Variants in DOP1B observed in about 807,000 individuals in gnomAD.
DOP1B encodes protein DOP1B.
DOP1B carries 174 observed loss-of-function variants against 233.5 expected under a neutral mutation model. That is an observed-to-expected ratio of 0.75 (90% CI 0.66 to 0.85). The LOEUF is 0.85. DOP1B is among the 40% of genes least tolerant of loss of function. The pLI is 0.00. For synonymous variants in DOP1B, 1,190 were observed against 1,185.6 expected (o/e 1.00, Z -0.08); for missense variants, 2,652 against 2,846.6 (o/e 0.93, Z 1.56).
chr21:36,230,945 A>G lies in DOP1B; in HGVS notation c.2161A>G (p.Ser721Gly). Residue 721 changes from serine (S) to glycine (G), a missense_variant, in exon 14 of 37, where the codon AGC (serine) becomes GGC (glycine). Physicochemically the swap from Ser to Gly is moderately conservative, Grantham distance 56. Transcript: ENST00000691173. ...SSESPSSSPS[S>G]PARKNGGEWD... is the part of the protein sequence containing the mutation. Reference sequence around the variant, plus strand: ...AGAGTCACCATCGTCTTCGCCCAGCAGCCCTGCCAGGAAAAACGGGGGAGA... The same window carrying G: ...AGAGTCACCATCGTCTTCGCCCAGCGGCCCTGCCAGGAAAAACGGGGGAGA... The G allele has an allele frequency of 6.2e-7, 1 of 1,614,208 alleles. No individual in the cohort carries two copies. Among genetic ancestry groups the G allele is most frequent in the Non-Finnish European group, 8.5e-7 (1 of 1,180,028 alleles).
intron 13 of DOP1B, among the ~76,000 whole-genome samples, chr21:36,229,412 C>T (rs970287653): frequency 1.3e-5 from 2 of 152,110 alleles, no homozygotes; most frequent in Non-Finnish European, 2.9e-5. Flanking sequence ...AGCCCAGTCT[C>T]GGCCTTTATG....
At chr21:36,241,474 G>A (rs1214418321) in intron 18 of DOP1B, among the ~76,000 whole-genome samples, 1 of 130,292 alleles carries the variant, frequency 7.7e-6, no homozygotes, top group East Asian at 2.5e-4. Flanking sequence ...GCCAGTTCTT[G>A]TTTTTTCTTA....
At chr21:36,193,698 G>A (rs771660931) in intron 2 of DOP1B, among the ~76,000 whole-genome samples, 1 of 152,074 alleles carries the variant, frequency 6.6e-6, no homozygotes, top group Non-Finnish European at 1.5e-5. Flanking sequence ...GGCCTTCAGT[G>A]AGACTGAAGG....
At chr21:36,168,494 G>T (rs1006818477) in intron 2 of DOP1B, among the ~76,000 whole-genome samples, 1 of 151,892 alleles carries the variant, frequency 6.6e-6, no homozygotes, top group Non-Finnish European at 1.5e-5. Context: ...AGCAATGCGT[G>T]AGTGTTCCAA....
intron 23 of DOP1B, among the ~76,000 whole-genome samples, chr21:36,258,425 T>C (rs2067132426): frequency 6.6e-6 from 1 of 152,060 alleles, no homozygotes. Flanking sequence ...CTTTTTTTTT[T>C]TTTCACATCA....
intron 2 of DOP1B, among the ~76,000 whole-genome samples, chr21:36,173,522 A>G (rs555288379): frequency 2.6e-5 from 4 of 151,746 alleles, no homozygotes; most frequent in African/African-American, 9.7e-5. Flanking sequence ...CCTGGGTTCA[A>G]GCAATCCTCC....
Position 36,225,593 on chromosome 21 carries a change from A to G in DOP1B, c.1399A>G (p.Asn467Asp), listed in dbSNP as rs1047948153. ...AGTGAAGCAGCGTTACAGCGTGAGG[A>G]ACAGCGTCAGCCCTCCCCCCACGGT... The part of the protein sequence containing the change: ...RPVKQRYSVR[N>D]SVSPPPTVSE... Residue 467 changes from asparagine to aspartate, a missense_variant, in exon 12 of 37, where the codon AAC (asparagine) becomes GAC (aspartate). Coordinates refer to ENST00000691173, the MANE Select transcript of DOP1B (RefSeq NM_001320714.2). 2 of 1,613,902 alleles carry G rather than the reference A, an allele frequency of 1.2e-6. No homozygotes were observed. The highest frequency in any genetic ancestry group is 2.7e-5 in the African/African-American group (2 of 74,872).
rs2066538607 is a variant in DOP1B at position 36,214,526 on chromosome 21, C to T, written c.1099C>T (p.Leu367Phe). Residue 367 changes from leucine (L) to phenylalanine (F), a missense_variant, in exon 9 of 37, where the codon CTC (leucine) becomes TTC (phenylalanine). Coordinates refer to ENST00000691173, the MANE Select transcript of DOP1B (RefSeq NM_001320714.2). Reference sequence around the variant, plus strand: ...TGCATACCTGAAGCCTTTTCGCGTCCTCATCAGTCTGCTTGACAAGCCAGA... The same window carrying T: ...TGCATACCTGAAGCCTTTTCGCGTCTTCATCAGTCTGCTTGACAAGCCAGA... ...HHAYLKPFRV[L>F]ISLLDKPEIG... 6.2e-7 allele frequency: 1 copy of T among 1,613,902 alleles called. No individual in the cohort carries two copies. The highest frequency in any genetic ancestry group is 1.3e-5 in the African/African-American group (1 of 74,988).
chr21:36,270,220 A>G, intron 27 of DOP1B, 63 bp downstream of exon 27: 2 of 1,553,446 alleles, frequency 1.3e-6, no homozygotes, highest in South Asian at 2.4e-5. Context: ...CTTTTCCTTA[A>G]GAGAGATCTT....
At chr21:36,200,166 C>G (rs936008915) in intron 3 of DOP1B, among the ~76,000 whole-genome samples, 165 bp from the exon 4 acceptor site, 2 of 152,150 alleles carry the variant, frequency 1.3e-5, no homozygotes, top group East Asian at 3.8e-4. Flanking sequence ...TGGCTTGTTA[C>G]GTAACAGTGT....
At chr21:36,264,465 CT>C (rs766718183) in intron 26 of DOP1B, among the ~76,000 whole-genome samples, 594 of 140,052 alleles carry the variant, frequency 4.2e-3, no homozygotes, top group Middle Eastern at 7.9e-3. Flanking sequence ...TTCTTTTTTT[CT>C]TTTTTTTTTT....
chr21:36,225,540 A>G, intron 11 of DOP1B, 25 bp from the exon 12 acceptor site: 1 of 1,613,380 alleles, frequency 6.2e-7, no homozygotes, highest in Non-Finnish European at 8.5e-7. Flanking sequence ...CAAAGAATGG[A>G]TTTTTTCTTT....
intron 2 of DOP1B, among the ~76,000 whole-genome samples, chr21:36,186,784 G>A (rs1029078972): frequency 3.9e-5 from 6 of 152,172 alleles, no homozygotes; most frequent in East Asian, 1.9e-4. Context: ...GGGCTGAATG[G>A]TGCTGACTTT....
At chr21:36,158,253 G>T (rs917493072) in intron 1 of DOP1B, among the ~76,000 whole-genome samples, 1 of 152,108 alleles carries the variant, frequency 6.6e-6, no homozygotes, top group African/African-American at 2.4e-5. Context: ...CGGTTTTACT[G>T]AACTCTTCAA....
chr21:36,177,164 T>G (rs912120929), intron 2 of DOP1B, among the ~76,000 whole-genome samples: 1 of 152,262 alleles, frequency 6.6e-6, no homozygotes, highest in South Asian at 2.1e-4. Flanking sequence ...TTTGCTGTCG[T>G]TCTGTTGTGG....
In DOP1B at chr21:36,248,534, A is replaced by T. The variant is rs962066516; in HGVS notation, c.4964A>T (p.Lys1655Met). 6.2e-7 allele frequency: 1 copy of T among 1,612,178 alleles called. No homozygotes were observed. Residue 1655 changes from lysine to methionine, a missense_variant, in exon 21 of 37, where the codon AAG becomes ATG. Physicochemically the swap from Lys to Met is moderately conservative, Grantham distance 95. Transcript: ENST00000691173. ...CCTGTCGATCTCCTAGGGGCCACGA[A>T]GGGATCCTCTTCCGTTTACTTTAAA... ...KRPVDLLGAT[K>M]GSSSVYFKTT...
At chr21:36,263,910 G>C in intron 26 of DOP1B, 96 bp downstream of exon 26, 1 of 1,207,976 alleles carries the variant, frequency 8.3e-7, no homozygotes, top group South Asian at 1.3e-5. Flanking sequence ...AGAGACATTG[G>C]ACAGAATCTG....
At chr21:36,262,396 T>C (rs2067181002) in intron 24 of DOP1B, among the ~76,000 whole-genome samples, 1 of 152,206 alleles carries the variant, frequency 6.6e-6, no homozygotes, top group African/African-American at 2.4e-5. Flanking sequence ...ACACTCTGAC[T>C]GTAGTCTGAG....
intron 24 of DOP1B, chr21:36,261,194 A>G (rs908831865): frequency 9.3e-6 from 8 of 859,454 alleles, no homozygotes; most frequent in Non-Finnish European, 1.1e-5. Flanking sequence ...GTGAAACCCT[A>G]TCTCTACTAA....
Sources: gnomAD v4.1 joint callset for allele counts (sites outside exome capture counted in the v4.1 genomes callset) on GRCh38, gnomAD v4.1.1 for gene constraint, MANE v1.5 for transcripts, NCBI Gene and HGNC (gene_info 2026-07-23, HGNC 2026-07-21) for gene names.